Variants in DBNL observed in about 807,000 individuals in gnomAD.
The protein encoded by DBNL is drebrin-like protein.
A neutral mutation model predicts 62.2 loss-of-function variants in DBNL; 35 were observed. The ratio of observed to expected loss-of-function variants is 0.56; its 90% CI spans 0.43 to 0.75. DBNL has a LOEUF of 0.75. DBNL is among the 30% of genes least tolerant of loss of function. DBNL has a pLI of 0.00. For synonymous variants in DBNL, 197 were observed against 218.0 expected (o/e 0.90, Z 0.85); for missense variants, 495 against 578.4 (o/e 0.86, Z 1.48).
intron 4 of DBNL, among the ~76,000 whole-genome samples, chr7:44,055,408 A>C (rs2096134459): frequency 1.3e-5 from 2 of 152,222 alleles, no homozygotes; most frequent in Non-Finnish European, 2.9e-5. Flanking sequence ...TGGAGGTTGC[A>C]GTGAGCCGAG....
In DBNL at chr7:44,057,776, C is replaced by T. The variant is rs2096139168; in HGVS notation, c.475-6C>T. ...CCAGGTCTCTAATGAGTGCTGTCCC[C>T]TACAGGGCTCTGTGTACCAGAAGAC... On this transcript the variant is annotated splice_polypyrimidine_tract_variant and splice_region_variant and intron_variant, in intron 5 of 12. Coordinates refer to ENST00000448521, the MANE Select transcript of DBNL (RefSeq NM_001014436.3). 6.2e-7 allele frequency: 1 copy of T among 1,614,148 alleles called. No homozygotes were observed. The highest frequency in any genetic ancestry group is 8.5e-7 in the Non-Finnish European group (1 of 1,180,020).
intron 1 of DBNL, among the ~76,000 whole-genome samples, chr7:44,048,017 A>G (rs1230850828): frequency 1.3e-5 from 2 of 149,318 alleles, no homozygotes; most frequent in Non-Finnish European, 3.0e-5. Flanking sequence ...CCCAGGTTCA[A>G]GTGATTTTCC....
rs1390343913 is a variant in DBNL at position 44,068,136 on chromosome 7, G to A, written c.*7220G>A. 1 of 152,214 alleles carries A rather than the reference G, an allele frequency of 6.6e-6. No homozygotes were observed. Among genetic ancestry groups the A allele is most frequent in the Non-Finnish European group, 1.5e-5 (1 of 68,052 alleles). 9.4% of individuals were successfully genotyped at this position (152,214 alleles called of 1,614,324 possible). A position where few individuals can be genotyped will look rare whatever the true frequency, so the allele number is the denominator to read the frequency against. On this transcript the variant is annotated 3_prime_UTR_variant, in exon 13 of 13. Coordinates refer to ENST00000448521, the MANE Select transcript of DBNL (RefSeq NM_001014436.3). ...GGGTAACGCTACCCTCTGTCTAGAG[G>A]AGCCATGGCCCCAAAAGCATGGGGC...
rs1586001983 is a variant in DBNL, at chr7:44,065,239, G to C, written c.*4323G>C. ...TGGCGGCCGTTTCTGCCTTGTTGAG[G>C]CCTGTGAGGCCCCCGTAATGCCGCT... On this transcript the variant is annotated 3_prime_UTR_variant, in exon 13 of 13. Transcript: ENST00000448521. 1.2e-6 allele frequency: 2 copies of C among 1,613,912 alleles called. No individual in the cohort carries two copies. Among genetic ancestry groups the C allele is most frequent in the East Asian group, 2.2e-5 (1 of 44,882 alleles).
Position 44,058,498 on chromosome 7 carries a change from T to G in DBNL, c.753+18T>G. 1 of 1,613,784 alleles carries G rather than the reference T, an allele frequency of 6.2e-7. No homozygotes were observed. The highest frequency in any genetic ancestry group is 8.5e-7 in the Non-Finnish European group (1 of 1,179,870). On this transcript the variant is annotated intron_variant, in intron 8 of 12. Coordinates refer to ENST00000448521, the MANE Select transcript of DBNL (RefSeq NM_001014436.3). ...ATGAGCAGGTAAGATGGGGGTGCTC[T>G]ACTTGTTTGGACCTGTCCTGGCCAC...
intron 4 of DBNL, among the ~76,000 whole-genome samples, 161 bp downstream of exon 4, chr7:44,053,102 C>T (rs887918627): frequency 6.6e-6 from 1 of 152,236 alleles, no homozygotes; most frequent in Non-Finnish European, 1.5e-5. Flanking sequence ...GAGGCTGCTT[C>T]ACTCTCGGTC....
chr7:44,053,007 TG>T (rs1370648342), intron 4 of DBNL, 66 bp downstream of exon 4: 67 of 1,561,828 alleles, frequency 4.3e-5, no homozygotes, highest in Non-Finnish European at 5.4e-5. Flanking sequence ...CGCAGGTTCC[TG>T]GGTGCGAGCA....
Position 44,060,162 on chromosome 7 carries a change from C to T in DBNL, c.1153+9C>T. 1 of 1,605,662 alleles carries T rather than the reference C, an allele frequency of 6.2e-7. No individual in the cohort carries two copies. Among genetic ancestry groups the T allele is most frequent in the Middle Eastern group, 1.7e-4 (1 of 6,032 alleles). Reference sequence around the variant, plus strand: ...GTACGACTACCAGGCAGGTAAGGTGCCCTGGCCTGGCTGGCACAGACCACA... The same window carrying T: ...GTACGACTACCAGGCAGGTAAGGTGTCCTGGCCTGGCTGGCACAGACCACA... On this transcript the variant is annotated intron_variant, in intron 12 of 12. Transcript: ENST00000448521. This position sits in a 1 kb window ranked among gnomAD's most constrained non-coding sequence, Gnocchi z 6.3.
intron 4 of DBNL, among the ~76,000 whole-genome samples, chr7:44,054,824 C>G (rs1055666016): frequency 6.6e-6 from 1 of 152,150 alleles, no homozygotes; most frequent in Admixed American, 6.6e-5. Context: ...AACCAGCATT[C>G]TACTCTCTCC....
In DBNL at chr7:44,061,091, G is replaced by C; in HGVS notation, c.*175G>C. The C allele has an allele frequency of 2.5e-6, 2 of 812,372 alleles. No individual in the cohort carries two copies. Among genetic ancestry groups the C allele is most frequent in the Non-Finnish European group, 1.9e-6 (1 of 534,352 alleles). The allele number at this position is 812,372 out of a possible 1,614,324, so 50.3% of individuals were successfully genotyped here. On this transcript the variant is annotated 3_prime_UTR_variant, in exon 13 of 13. Coordinates refer to ENST00000448521, the MANE Select transcript of DBNL (RefSeq NM_001014436.3). ...AGCCTGTCACCCCAAATGCAGCAAT[G>C]GCCTGGTGATTCCCACACATCCTTC...
chr7:44,059,521 C>A lies in DBNL; in HGVS notation c.932-22C>A. On this transcript the variant is annotated intron_variant, in intron 10 of 12. Coordinates refer to ENST00000448521, the MANE Select transcript of DBNL (RefSeq NM_001014436.3). The surrounding 1 kb of genome is among the most constrained non-coding windows in gnomAD (Gnocchi z 4.1). ...GAAGGGGGATGTGTGGGAGTGAGAA[C>A]CTGCTGTGTTCCCTGGTGCAGATCT... 1 of 1,613,438 alleles carries A rather than the reference C, an allele frequency of 6.2e-7. No individual in the cohort carries two copies. Among genetic ancestry groups the A allele is most frequent in the Non-Finnish European group, 8.5e-7 (1 of 1,179,718 alleles).
In DBNL at chr7:44,062,557, G is replaced by T. The variant is rs1481879121; in HGVS notation, c.*1641G>T. ...GTCCTGACTGCAAACTCATGGAGTG[G>T]TTGCAGCCCTGGCTCAGTGTCCTGA... On this transcript the variant is annotated 3_prime_UTR_variant, in exon 13 of 13. Transcript: ENST00000448521. The T allele has an allele frequency of 3.7e-5, 22 of 602,420 alleles. No individual in the cohort carries two copies. In the Admixed American group the frequency reaches 4.6e-4, roughly 13 times the overall value. The allele number at this position is 602,420 out of a possible 1,614,324, so 37.3% of individuals were successfully genotyped here. A position where few individuals can be genotyped will look rare whatever the true frequency, so the allele number is the denominator to read the frequency against.
In DBNL at chr7:44,059,296, G is replaced by C; in HGVS notation, c.836-58G>C. Reference sequence around the variant, plus strand: ...ACACCAGGGTGGAGGGTGCTGTGGGGTGCGTGGGTGTGTGGTGGTGTTTCT... The same window carrying C: ...ACACCAGGGTGGAGGGTGCTGTGGGCTGCGTGGGTGTGTGGTGGTGTTTCT... On this transcript the variant is annotated intron_variant, in intron 9 of 12. Transcript: ENST00000448521. This position sits in a 1 kb window ranked among gnomAD's most constrained non-coding sequence, Gnocchi z 4.1. 6.4e-7 allele frequency: 1 copy of C among 1,553,600 alleles called. No individual in the cohort carries two copies. The highest frequency in any genetic ancestry group is 8.8e-7 in the Non-Finnish European group (1 of 1,132,424).
At position 44,060,512 on chromosome 7, in the gene DBNL, C is replaced by T. The variant is rs1468566776; in HGVS notation, c.1154-265C>T. 6.6e-6 allele frequency among the ~76,000 whole-genome samples: 1 copy of T among 152,074 alleles called. No individual in the cohort carries two copies. Among genetic ancestry groups the T allele is most frequent in the Non-Finnish European group, 1.5e-5 (1 of 68,006 alleles). On this transcript the variant is annotated intron_variant, in intron 12 of 12. Coordinates refer to ENST00000448521, the MANE Select transcript of DBNL (RefSeq NM_001014436.3). This position sits in a 1 kb window ranked among gnomAD's most constrained non-coding sequence, Gnocchi z 6.3. The stretch of plus-strand genomic sequence containing the variant: ...GGCCTTGGAGAATGGGGTGGAGGCC[C>T]CCTACGGAGCAGGCTGGTGTCTACT...
At position 44,057,697 on chromosome 7, in the gene DBNL, A is replaced by C. The variant is rs532084194; in HGVS notation, c.475-85A>C. ...TAGCAGCACTCACCTGTGCTGTCGC[A>C]AGTTTAGCGTATTCTCTCCTTTGGT... On this transcript the variant is annotated intron_variant, in intron 5 of 12. Transcript: ENST00000448521. The C allele has an allele frequency of 2.1e-5, 32 of 1,501,582 alleles. No individual in the cohort carries two copies. In the East Asian group the frequency reaches 6.8e-4, roughly 32 times the overall value. The allele number at this position is 1,501,582 out of a possible 1,614,324, so 93.0% of individuals were successfully genotyped here.
chr7:44,058,639 G>A (rs1048652778), intron 8 of DBNL, 159 bp downstream of exon 8: 11 of 1,060,572 alleles, frequency 1.0e-5, no homozygotes, highest in Non-Finnish European at 1.5e-5. Context: ...CAGTAGAGAG[G>A]AAAGCCAAAG....
In DBNL at chr7:44,058,950, A is replaced by C; in HGVS notation, c.802A>C (p.Met268Leu). 1 of 1,613,874 alleles carries C rather than the reference A, an allele frequency of 6.2e-7. No individual in the cohort carries two copies. The highest frequency in any genetic ancestry group is 8.5e-7 in the Non-Finnish European group (1 of 1,179,938). The change falls in exon 9 of 13, where the codon ATG becomes CTG. Residue 268 changes from methionine to leucine, a missense_variant. By Grantham distance (15) the Met-to-Leu change is conservative. Coordinates refer to ENST00000448521, the MANE Select transcript of DBNL (RefSeq NM_001014436.3). ...REIFKQKERA[M>L]STTSISSPQP... ...GATTTTCAAGCAGAAGGAGAGGGCC[A>C]TGTCCACCACCTCCATCTCCAGTCC...
At position 44,064,858 on chromosome 7, in the gene DBNL, A is replaced by G. The variant is rs981426181; in HGVS notation, c.*3942A>G. The G allele has an allele frequency of 3.7e-6, 5 of 1,357,226 alleles. No individual in the cohort carries two copies. The African/African-American group carries it at 7.6e-5, about 21-fold the overall frequency. The allele number at this position is 1,357,226 out of a possible 1,614,324, so 84.1% of individuals were successfully genotyped here. ...TTCCAGGTGCTTGACAATGCCCCGC[A>G]GGCTGTTCCCGTGGGCTGCAATGAG... is the stretch of plus-strand genomic sequence containing the variant. On this transcript the variant is annotated 3_prime_UTR_variant, in exon 13 of 13. Coordinates refer to ENST00000448521, the MANE Select transcript of DBNL (RefSeq NM_001014436.3).
intron 4 of DBNL, among the ~76,000 whole-genome samples, chr7:44,055,828 A>G (rs2128792560): frequency 6.6e-6 from 1 of 152,338 alleles, no homozygotes; most frequent in Non-Finnish European, 1.5e-5. Flanking sequence ...TCAGATGGAT[A>G]GTTTGAAGAT....
Sources: gnomAD v4.1 joint callset for allele counts (sites outside exome capture counted in the v4.1 genomes callset) on GRCh38, gnomAD v4.1.1 for gene constraint, Gnocchi (gnomAD v3.1) non-coding constraint, MANE v1.5 for transcripts, NCBI Gene and HGNC (gene_info 2026-07-23, HGNC 2026-07-21) for gene names.